The following IDUA variants were observed in gnomAD, a reference collection of about 807,000 sequenced individuals.
IDUA encodes the protein alpha-L-iduronidase.
A neutral mutation model predicts 68.9 loss-of-function variants in IDUA; 65 were observed. The observed-to-expected ratio is 0.94, with a 90% CI of 0.77 to 1.16. The LOEUF (loss-of-function observed/expected upper bound fraction) is 1.16. IDUA is among the 50% of genes most tolerant of loss of function. IDUA has a pLI of 0.00. For synonymous variants in IDUA, 529 were observed against 433.6 expected (o/e 1.22, Z -2.73); for missense variants, 1,046 against 938.0 (o/e 1.12, Z -1.50).
At chr4:1,001,658 C>T (rs770708522) in intron 5 of IDUA, 21 bp from the exon 6 acceptor site, 1 of 1,604,066 alleles carries the variant, frequency 6.2e-7, no homozygotes, top group Non-Finnish European at 8.5e-7. Flanking sequence ...CAGGTGTAGA[C>T]GCAGTGCTCC....
chr4:998,487 G>A (rs1225830069), intron 2 of IDUA, among the ~76,000 whole-genome samples: 2 of 152,102 alleles, frequency 1.3e-5, no homozygotes, highest in East Asian at 1.9e-4. Context: ...ACTGCCCCAC[G>A]GGCAGCTGTG....
intron 2 of IDUA, among the ~76,000 whole-genome samples, chr4:998,711 G>A (rs957360556): frequency 1.3e-5 from 2 of 152,006 alleles, no homozygotes; most frequent in Non-Finnish European, 2.9e-5. Flanking sequence ...ACCGAGACCA[G>A]TCTCACTCCA....
intron 2 of IDUA, among the ~76,000 whole-genome samples, chr4:995,770 G>A (rs1363783113): frequency 2.0e-5 from 3 of 152,356 alleles, no homozygotes; most frequent in South Asian, 2.1e-4. Flanking sequence ...TGTGGAAGCC[G>A]TCTGCCAAGC....
chr4:989,458 A>G, intron 2 of IDUA: 1 of 1,553,698 alleles, frequency 6.4e-7, no homozygotes, highest in Non-Finnish European at 8.7e-7. Context: ...CGAGAGGATG[A>G]CGCCAGCCAG....
intron 2 of IDUA, chr4:989,830 G>A: frequency 6.3e-7 from 1 of 1,580,154 alleles, no homozygotes; most frequent in Non-Finnish European, 8.6e-7. Flanking sequence ...GGCACGCACA[G>A]AGTAGCCGTG....
chr4:990,528 T>C, intron 2 of IDUA: 1 of 672,450 alleles, frequency 1.5e-6, no homozygotes, highest in Non-Finnish European at 2.5e-6. Context: ...GCCTGAGTTC[T>C]GGTTCCACGC....
chr4:990,255 G>C, intron 2 of IDUA: 1 of 1,589,706 alleles, frequency 6.3e-7, no homozygotes, highest in Non-Finnish European at 8.5e-7. Context: ...GCAGGTGTTT[G>C]AGCTGCGAGG....
At position 1,001,634 on chromosome 4, in the gene IDUA, G is replaced by A. The variant is rs6829789; in HGVS notation, c.590-45G>A. 1.4e-5 allele frequency: 22 copies of A among 1,606,136 alleles called. No individual in the cohort carries two copies. Among genetic ancestry groups the A allele is most frequent in the Non-Finnish European group, 1.6e-5 (19 of 1,177,800 alleles). ...GGAAGGCAGGAGCAGAGGCTAAGCC[G>A]CTCATCCCCAGGGCAGGTGTAGACG... is the stretch of plus-strand genomic sequence containing the variant. On this transcript the variant is annotated intron_variant, in intron 5 of 13. Coordinates refer to ENST00000514224, the MANE Select transcript of IDUA (RefSeq NM_000203.5).
chr4:994,047 C>T (rs191636960), intron 2 of IDUA, among the ~76,000 whole-genome samples: 6 of 152,334 alleles, frequency 3.9e-5, no homozygotes, highest in African/African-American at 7.2e-5. Context: ...AGACCAGGAC[C>T]GGCAGTGCCT....
chr4:1,002,645 G>T, intron 8 of IDUA, 87 bp from the exon 9 acceptor site: 2 of 1,194,086 alleles, frequency 1.7e-6, no homozygotes, highest in East Asian at 3.0e-5. Context: ...CAAGGGGAGG[G>T]GGAGCGAGTG....
In IDUA at chr4:1,004,238, A is replaced by T; in HGVS notation, c.1829-22A>T. On this transcript the variant is annotated intron_variant, in intron 13 of 13. Coordinates refer to ENST00000514224, the MANE Select transcript of IDUA (RefSeq NM_000203.5). The surrounding 1 kb of genome is among the most constrained non-coding windows in gnomAD (Gnocchi z 5.0). ...CGGGTGGGGGCAGGTTCCGGTTGGC[A>T]CACATGTCCCCTTGTCTCCAGACAC... 1 of 1,609,478 alleles carries T rather than the reference A, an allele frequency of 6.2e-7. No individual in the cohort carries two copies. The highest frequency in any genetic ancestry group is 8.5e-7 in the Non-Finnish European group (1 of 1,179,942).
intron 2 of IDUA, among the ~76,000 whole-genome samples, chr4:993,611 C>A (rs1714538428): frequency 6.6e-6 from 1 of 152,076 alleles, no homozygotes; most frequent in African/African-American, 2.4e-5. Flanking sequence ...GCCGCTGCAG[C>A]TGTGGCTCTG....
At chr4:990,189 C>T (rs977691859) in intron 2 of IDUA, 5 of 1,560,936 alleles carry the variant, frequency 3.2e-6, no homozygotes, top group Admixed American at 1.9e-5. Context: ...GCAGCAGGCT[C>T]AGCCATGTGA....
intron 2 of IDUA, among the ~76,000 whole-genome samples, chr4:994,336 T>C (rs868028385): frequency 2.0e-5 from 3 of 151,794 alleles, no homozygotes; most frequent in East Asian, 3.9e-4. Context: ...AATGCAGTGG[T>C]GTGATCTCGG....
intron 2 of IDUA, among the ~76,000 whole-genome samples, chr4:996,972 A>AC (rs1364640687): frequency 1.3e-5 from 2 of 150,868 alleles, no homozygotes; most frequent in African/African-American, 4.9e-5. Context: ...TCCCTCCTGA[A>AC]CCCCCCTCCC....
intron 2 of IDUA, among the ~76,000 whole-genome samples, chr4:992,551 G>A (rs1391356569): frequency 2.0e-5 from 3 of 152,222 alleles, no homozygotes; most frequent in African/African-American, 4.8e-5. Context: ...AGGGTGACTG[G>A]CGTCTGTCTC....
chr4:1,002,651 G>A, intron 8 of IDUA, 81 bp from the exon 9 acceptor site: 2 of 1,194,274 alleles, frequency 1.7e-6, no homozygotes, highest in South Asian at 1.5e-5. Context: ...GAGGGGGAGC[G>A]AGTGGTGGGA....
chr4:1,000,816 G>A (rs968609827), intron 3 of IDUA, 66 bp from the exon 4 acceptor site: 1 of 1,510,404 alleles, frequency 6.6e-7, no homozygotes. Flanking sequence ...TGGTGCCGGA[G>A]CACAGGCCTG....
intron 2 of IDUA, chr4:990,568 C>T (rs929470062): frequency 3.3e-6 from 2 of 597,476 alleles, no homozygotes; most frequent in South Asian, 4.0e-5. Flanking sequence ...ACTGTGACAT[C>T]CACGTGAGCA....
Sources: allele counts gnomAD v4.1 joint callset (sites outside exome capture counted in the v4.1 genomes callset), GRCh38; gene constraint gnomAD v4.1.1; non-coding constraint Gnocchi (gnomAD v3.1); transcripts MANE v1.5; gene names NCBI Gene and HGNC (gene_info 2026-07-23, HGNC 2026-07-21).